Variants in NOVA1 observed in about 807,000 individuals in gnomAD.
NOVA1 encodes RNA-binding protein Nova-1.
A neutral mutation model predicts 38.0 loss-of-function variants in NOVA1; 7 were observed. That is an observed-to-expected ratio of 0.18 (90% CI 0.10 to 0.35). The LOEUF (loss-of-function observed/expected upper bound fraction) is 0.35. Among genes scored for constraint, NOVA1 ranks in the 10% least tolerant of loss-of-function variants. The pLI is 1.00. For missense variants in NOVA1, 460 were observed against 616.0 expected (o/e 0.75, Z 2.68); for synonymous variants, 270 against 232.5 (o/e 1.16, Z -1.47).
In NOVA1 at chr14:26,444,456, G is replaced by A. The variant is rs1425645061; in HGVS notation, c.*3503C>T. ...ATAATCTATCTCTACTGTGCAGGTA[G>A]GCTTGTGCATGGTGGTGTGGCAATA... On this transcript the variant is annotated 3_prime_UTR_variant, in exon 5 of 5. Coordinates refer to ENST00000539517, the MANE Select transcript of NOVA1 (RefSeq NM_002515.3). 1 of 152,094 alleles carries A rather than the reference G, an allele frequency of 6.6e-6. No homozygotes were observed. Among genetic ancestry groups the A allele is most frequent in the Non-Finnish European group, 1.5e-5 (1 of 67,996 alleles). The allele number at this position is 152,094 out of a possible 1,614,324, so 9.4% of individuals were successfully genotyped here. A position where few individuals can be genotyped will look rare whatever the true frequency, so the allele number is the denominator to read the frequency against.
At chr14:26,453,262 C>G (rs1459260444) in intron 4 of NOVA1, among the ~76,000 whole-genome samples, 2 of 151,926 alleles carry the variant, frequency 1.3e-5, no homozygotes, top group Non-Finnish European at 2.9e-5. Context: ...GGCTGGAGTA[C>G]AGTGACACAA....
At chr14:26,590,508 T>A (rs2138808812) in intron 2 of NOVA1, among the ~76,000 whole-genome samples, 1 of 151,978 alleles carries the variant, frequency 6.6e-6, no homozygotes, top group Admixed American at 6.6e-5. Context: ...TCAATAAATG[T>A]CATTTGTGTC....
intron 2 of NOVA1, among the ~76,000 whole-genome samples, chr14:26,551,137 G>A (rs868691766): frequency 6.6e-6 from 1 of 151,902 alleles, no homozygotes; most frequent in Non-Finnish European, 1.5e-5. Context: ...AGGTTTTAAA[G>A]GGCTCTGTAA....
intron 2 of NOVA1, among the ~76,000 whole-genome samples, chr14:26,531,517 G>C (rs1889711853): frequency 1.3e-5 from 2 of 152,144 alleles, no homozygotes; most frequent in African/African-American, 4.8e-5. Flanking sequence ...TGAGACAGGA[G>C]AATTGCTTGA....
intron 2 of NOVA1, among the ~76,000 whole-genome samples, chr14:26,494,413 T>C (rs895302055): frequency 5.3e-5 from 8 of 152,196 alleles, no homozygotes; most frequent in African/African-American, 1.9e-4. Flanking sequence ...TAGCCTTTCC[T>C]CTTTTCTTCA....
At chr14:26,495,326 A>AT in intron 2 of NOVA1, among the ~76,000 whole-genome samples, 1 of 152,216 alleles carries the variant, frequency 6.6e-6, no homozygotes, top group East Asian at 1.9e-4. Flanking sequence ...TGCTTACTTC[A>AT]TTGTTTGCCT....
chr14:26,524,669 T>C (rs1889168919), intron 2 of NOVA1, among the ~76,000 whole-genome samples: 1 of 152,202 alleles, frequency 6.6e-6, no homozygotes, highest in Admixed American at 6.5e-5. Flanking sequence ...CTTCAAGTTG[T>C]ATTTGGAACT....
chr14:26,474,938 A>G (rs1884859233), intron 3 of NOVA1, among the ~76,000 whole-genome samples: 1 of 152,070 alleles, frequency 6.6e-6, no homozygotes, highest in Admixed American at 6.6e-5. Context: ...CAATAAAAAT[A>G]CCCTCGAAAG....
In NOVA1 at chr14:26,504,740, C is replaced by T. The variant is rs541885910; in HGVS notation, c.281-24597G>A. Among the ~76,000 whole-genome samples, 7 of 149,680 alleles carry T rather than the reference C, an allele frequency of 4.7e-5. No homozygotes were observed. The South Asian group carries it at 1.5e-3, about 33-fold the overall frequency. On this transcript the variant is annotated intron_variant, in intron 2 of 4. Transcript: ENST00000539517. ...GTATGCCCAATACACAGTAGGTGTC[C>T]AATACGTAACTGCTGAATGAACAAA...
intron 2 of NOVA1, chr14:26,568,345 G>A (rs1892262815): frequency 6.6e-6 from 1 of 152,138 alleles, no homozygotes; most frequent in Non-Finnish European, 1.5e-5. Context: ...ACAATGTACA[G>A]CATGGACTCT....
intron 2 of NOVA1, among the ~76,000 whole-genome samples, chr14:26,496,367 C>G (rs371613660): frequency 8.6e-5 from 13 of 151,912 alleles, no homozygotes; most frequent in Non-Finnish European, 1.2e-4. Flanking sequence ...AAATTTGTTT[C>G]AGTTCATTAT....
At chr14:26,516,766 A>G (rs1888498077) in intron 2 of NOVA1, among the ~76,000 whole-genome samples, 1 of 152,148 alleles carries the variant, frequency 6.6e-6, no homozygotes, top group South Asian at 2.1e-4. Context: ...TCTCAATGGG[A>G]CTTTGTAATG....
chr14:26,518,208 A>T, intron 2 of NOVA1, among the ~76,000 whole-genome samples: 1 of 152,022 alleles, frequency 6.6e-6, no homozygotes, highest in Non-Finnish European at 1.5e-5. Flanking sequence ...TAAATTGCTT[A>T]CTCTACTTCT....
At chr14:26,596,639 C>T (rs1220472693) in intron 1 of NOVA1, 2 of 1,289,004 alleles carry the variant, frequency 1.6e-6, no homozygotes, top group Non-Finnish European at 2.0e-6. Flanking sequence ...CGATATCGGT[C>T]CCGTTAAAAC....
chr14:26,486,696 CAAA>C (rs59078775), intron 2 of NOVA1, among the ~76,000 whole-genome samples: 3 of 23,104 alleles, frequency 1.3e-4, no homozygotes, highest in African/African-American at 5.2e-4. Context: ...GTGACAGACT[CAAA>C]AAAAAAAAAA....
intron 2 of NOVA1, among the ~76,000 whole-genome samples, chr14:26,564,727 CT>C (rs1353401486): frequency 6.6e-6 from 1 of 152,046 alleles, no homozygotes. Context: ...ACTTCAAAAC[CT>C]TTGAAATTGG....
chr14:26,562,052 T>C (rs954361787), intron 2 of NOVA1, among the ~76,000 whole-genome samples: 2 of 152,220 alleles, frequency 1.3e-5, no homozygotes, highest in African/African-American at 4.8e-5. Flanking sequence ...TGAATATTTA[T>C]AAGCTGCTAG....
intron 2 of NOVA1, among the ~76,000 whole-genome samples, chr14:26,503,830 A>G (rs1186474005): frequency 1.3e-5 from 2 of 152,154 alleles, no homozygotes; most frequent in Non-Finnish European, 2.9e-5. Context: ...CAGCATGGAA[A>G]GAGGTTCATG....
intron 1 of NOVA1, 185 bp downstream of exon 1, chr14:26,597,116 C>G (rs1894241603): frequency 8.1e-7 from 1 of 1,231,518 alleles, no homozygotes; most frequent in Non-Finnish European, 1.0e-6. Flanking sequence ...GTCGGGGACA[C>G]CTAGGCGCGG....
Sources: gnomAD v4.1 joint callset for allele counts (sites outside exome capture counted in the v4.1 genomes callset) on GRCh38, gnomAD v4.1.1 for gene constraint, MANE v1.5 for transcripts, NCBI Gene and HGNC (gene_info 2026-07-23, HGNC 2026-07-21) for gene names.